BAZ2B: variants seen among roughly 807,000 people sequenced by gnomAD.
The protein encoded by BAZ2B is bromodomain adjacent to zinc finger domain 2B.
BAZ2B carries 91 observed loss-of-function variants against 246.0 expected under a neutral mutation model. That is an observed-to-expected ratio of 0.37 (90% CI 0.31 to 0.44). BAZ2B has a LOEUF of 0.44. Ranked by LOEUF, BAZ2B falls within the 20% of genes least tolerant of loss-of-function variation. The probability of loss-of-function intolerance (pLI) is 1.00; values close to 1 mark genes in which losing one functional copy is unlikely to be tolerated. For missense variants in BAZ2B, 2,332 were observed against 2,533.7 expected, an observed-to-expected ratio of 0.92 and a Z score of 1.71; for synonymous variants, 855 against 860.0, an observed-to-expected ratio of 0.99 and a Z score of 0.10.
chr2:159,706,102 C>CACACACACACACACACACAA, the BAZ2B span, among the ~76,000 whole-genome samples: 4 of 138,354 alleles, frequency 2.9e-5, no homozygotes, highest in East Asian at 8.4e-4. Flanking sequence ...CACACACAAA[C>CACACACACACACACACACAA]ACACACACTC....
chr2:159,598,742 T>C (rs1176871491), intron 1 of BAZ2B, among the ~76,000 whole-genome samples: 4 of 152,014 alleles, frequency 2.6e-5, no homozygotes, highest in African/African-American at 9.7e-5. Context: ...TAATCCCAGC[T>C]ACTTGGGAGG....
the BAZ2B span, among the ~76,000 whole-genome samples, chr2:159,653,433 C>A: frequency 2.7e-5 from 4 of 150,792 alleles, no homozygotes; most frequent in South Asian, 8.4e-4. Flanking sequence ...GCAGCTGACC[C>A]AGATATTCTA....
At chr2:159,612,115 G>A (rs953775569) in intron 1 of BAZ2B, among the ~76,000 whole-genome samples, 27 of 151,672 alleles carry the variant, frequency 1.8e-4, no homozygotes, top group African/African-American at 6.5e-4. Context: ...ATGTCTACTA[G>A]TAAGTTATTT....
rs753846425 is a variant in BAZ2B at position 159,347,479 on chromosome 2, A to G, written c.5454+7T>C. The G allele has an allele frequency of 3.1e-6, 5 of 1,612,586 alleles. No individual in the cohort carries two copies. The highest frequency in any genetic ancestry group is 3.4e-6 in the Non-Finnish European group (4 of 1,178,982). On this transcript the variant is annotated splice_region_variant and intron_variant, in intron 31 of 36. Transcript: ENST00000392783. ...TAAAAACATATTTTATTCCAAGTCG[A>G]TTTTACCTTCACTTGCAAACTTGCT... is the stretch of plus-strand genomic sequence containing the variant.
chr2:159,659,406 T>C, the BAZ2B span, among the ~76,000 whole-genome samples: 1 of 152,216 alleles, frequency 6.6e-6, no homozygotes, highest in Non-Finnish European at 1.5e-5. Context: ...GGGTATTCTT[T>C]GAACATGTGT....
intron 2 of BAZ2B, among the ~76,000 whole-genome samples, chr2:159,523,841 AC>A (rs374587184): frequency 1.5e-3 from 224 of 152,310 alleles, no homozygotes; most frequent in African/African-American, 5.2e-3. Flanking sequence ...TGATATAATA[AC>A]AACCCCTCAA....
chr2:159,588,164 G>A, intron 1 of BAZ2B, among the ~76,000 whole-genome samples: 1 of 144,716 alleles, frequency 6.9e-6, no homozygotes, highest in East Asian at 2.1e-4. Flanking sequence ...CTGCACTTCA[G>A]CGATTGTACC....
chr2:159,667,849 G>T, the BAZ2B span, among the ~76,000 whole-genome samples: 1 of 151,838 alleles, frequency 6.6e-6, no homozygotes, highest in African/African-American at 2.4e-5. Context: ...TTTAAAAACT[G>T]CATTGTCTAT....
At chr2:159,657,045 T>C in the BAZ2B span, among the ~76,000 whole-genome samples, 1 of 152,178 alleles carries the variant, frequency 6.6e-6, no homozygotes, top group South Asian at 2.1e-4. Context: ...TGGTATTGTA[T>C]CTAAAAATTC....
At chr2:159,534,859 G>A (rs1194027765) in intron 2 of BAZ2B, among the ~76,000 whole-genome samples, 2 of 152,100 alleles carry the variant, frequency 1.3e-5, no homozygotes, top group East Asian at 1.9e-4. Context: ...CACCTGCCTC[G>A]GCCTCCCAAA....
chr2:159,462,767 C>T, intron 3 of BAZ2B: 1 of 1,410,826 alleles, frequency 7.1e-7, no homozygotes, highest in Non-Finnish European at 1.0e-6. Context: ...TTTAGGCTGA[C>T]ACTCATGGCT....
intron 2 of BAZ2B, among the ~76,000 whole-genome samples, chr2:159,541,259 CTTATTATTATTATTA>C (rs56310950): frequency 3.4e-5 from 5 of 148,332 alleles, no homozygotes; most frequent in Admixed American, 1.4e-4. Context: ...AACAAAAGCC[CTTATTATTATTATTA>C]TTATTATTAT....
chr2:159,429,749 AT>A, intron 10 of BAZ2B, among the ~76,000 whole-genome samples: 1 of 152,288 alleles, frequency 6.6e-6, no homozygotes, highest in Admixed American at 6.5e-5. Flanking sequence ...AAGGAACAGG[AT>A]TATGATTTTA....
chr2:159,670,312 T>A, the BAZ2B span, among the ~76,000 whole-genome samples: 1 of 152,192 alleles, frequency 6.6e-6, no homozygotes, highest in South Asian at 2.1e-4. Context: ...TACTCTTTAG[T>A]ACTGCATTTT....
intron 4 of BAZ2B, 65 bp downstream of exon 4, chr2:159,453,548 A>G: frequency 6.8e-7 from 1 of 1,466,636 alleles, no homozygotes; most frequent in Non-Finnish European, 9.1e-7. Context: ...CAATAGACAA[A>G]TTATTGCTTG....
chr2:159,530,740 T>TTGG (rs1299485048), intron 2 of BAZ2B, among the ~76,000 whole-genome samples: 1 of 152,014 alleles, frequency 6.6e-6, no homozygotes, highest in African/African-American at 2.4e-5. Context: ...GAGGCCAAGG[T>TTGG]TGGTGGATCA....
At chr2:159,361,021 C>G (rs1162954652) in intron 27 of BAZ2B, among the ~76,000 whole-genome samples, 1 of 152,070 alleles carries the variant, frequency 6.6e-6, no homozygotes, top group Non-Finnish European at 1.5e-5. Context: ...TAGGCAATAC[C>G]ATTCAGGACA....
intron 27 of BAZ2B, among the ~76,000 whole-genome samples, chr2:159,358,880 G>C (rs966936927): frequency 1.3e-5 from 2 of 152,160 alleles, no homozygotes; most frequent in African/African-American, 4.8e-5. Flanking sequence ...ATAACGAAAT[G>C]AAGGCAGAAA....
intron 13 of BAZ2B, among the ~76,000 whole-genome samples, chr2:159,419,380 A>C (rs926893565): frequency 6.6e-6 from 1 of 152,170 alleles, no homozygotes; most frequent in African/African-American, 2.4e-5. Context: ...AAAAAATCAA[A>C]ATTTTGTTGG....
Sources: gnomAD v4.1 joint callset for allele counts (sites outside exome capture counted in the v4.1 genomes callset) on GRCh38, gnomAD v4.1.1 for gene constraint, MANE v1.5 for transcripts, NCBI Gene and HGNC (gene_info 2026-07-23, HGNC 2026-07-21) for gene names.